ATP11C: variants seen among roughly 807,000 people sequenced by gnomAD.
The protein encoded by ATP11C is ATPase phospholipid transporting 11C (ATP11C blood group).
A neutral mutation model predicts 97.4 loss-of-function variants in ATP11C; 36 were observed. The observed-to-expected ratio is 0.37, with a 90% CI of 0.28 to 0.49. ATP11C has a LOEUF of 0.49. Among genes scored for constraint, ATP11C ranks in the 20% least tolerant of loss-of-function variants. The pLI is 0.98. For synonymous variants in ATP11C, 275 were observed against 290.9 expected (o/e 0.95, Z 0.56); for missense variants, 730 against 824.6 (o/e 0.89, Z 1.40).
intron 4 of ATP11C, 85 bp downstream of exon 4, chrX:139,816,771 CACTGTAT>C: frequency 1.9e-6 from 1 of 521,055 alleles, no homozygotes; most frequent in Non-Finnish European, 3.2e-6. Flanking sequence ...GGATACTACC[CACTGTAT>C]ATAAATATGA....
intron 19 of ATP11C, among the ~76,000 whole-genome samples, chrX:139,769,301 T>TTTAAGA (rs2082205020): frequency 1.4e-5 from 1 of 69,360 alleles, no homozygotes; most frequent in Admixed American, 1.7e-4. Flanking sequence ...TATATATATA[T>TTTAAGA]ATATATATAT....
At chrX:139,758,496 G>C (rs1019964891) in intron 22 of ATP11C, among the ~76,000 whole-genome samples, 1 of 111,410 alleles carries the variant, frequency 9.0e-6, no homozygotes, top group Non-Finnish European at 1.9e-5. Context: ...ATTAGGGCCC[G>C]AGGTCTCTGG....
At chrX:139,761,851 T>G in intron 22 of ATP11C, 110 bp downstream of exon 22, 13 of 529,173 alleles carry the variant, frequency 2.5e-5, no homozygotes, top group Middle Eastern at 6.9e-4. Context: ...AATTTCAGTA[T>G]GAGATATCAA....
intron 2 of ATP11C, among the ~76,000 whole-genome samples, chrX:139,819,867 A>G (rs996047291): frequency 1.8e-5 from 2 of 112,202 alleles, no homozygotes; most frequent in Non-Finnish European, 3.8e-5. Flanking sequence ...CACTCAACAC[A>G]GTGCCTGGTA....
intron 1 of ATP11C, among the ~76,000 whole-genome samples, chrX:139,871,536 T>G (rs1310439690): frequency 9.9e-6 from 1 of 101,153 alleles, no homozygotes; most frequent in African/African-American, 3.6e-5. Flanking sequence ...TTTTTTTTTT[T>G]GAAACAGGGT....
intron 1 of ATP11C, among the ~76,000 whole-genome samples, chrX:139,899,959 C>T (rs1244206988): frequency 1.8e-5 from 2 of 111,527 alleles, no homozygotes; most frequent in African/African-American, 6.5e-5. Context: ...TAAGAGCCAG[C>T]GGCAAAATCG....
chrX:139,740,793 T>C (rs760885052), intron 27 of ATP11C, among the ~76,000 whole-genome samples, 198 bp downstream of exon 27: 3 of 111,254 alleles, frequency 2.7e-5, no homozygotes, highest in South Asian at 7.7e-4. Context: ...GTGCAGTCTA[T>C]ATATGTGTAT....
Position 139,932,225 on chromosome X carries a change from G to A in ATP11C, c.-183C>T. The stretch of plus-strand genomic sequence containing the variant: ...GCGCTCCCCCGCCCCCCAGCCGCCC[G>A]CAGCCTAGCCGCCGCCCCGCCTCAC... On this transcript the variant is annotated 5_prime_UTR_variant, in exon 1 of 30. Coordinates refer to ENST00000682941, the MANE Select transcript of ATP11C (RefSeq NM_001353812.2). 5.3e-6 allele frequency: 1 copy of A among 188,578 alleles called. No individual in the cohort carries two copies. 15.5% of individuals were successfully genotyped at this position (188,578 alleles called of 1,213,427 possible).
chrX:139,890,588 G>A (rs2084712441), intron 1 of ATP11C, among the ~76,000 whole-genome samples: 1 of 111,720 alleles, frequency 9.0e-6, no homozygotes, highest in African/African-American at 3.3e-5. Context: ...GAGCCCCAAG[G>A]AAGAAGTAAA....
At chrX:139,743,175 TCACACA>T (rs745426001) in intron 26 of ATP11C, among the ~76,000 whole-genome samples, 2 of 107,739 alleles carry the variant, frequency 1.9e-5, no homozygotes, top group Non-Finnish European at 1.9e-5. Flanking sequence ...CTTAACATAA[TCACACA>T]CACACACACA....
chrX:139,858,298 A>T (rs2084125761), intron 1 of ATP11C, among the ~76,000 whole-genome samples: 1 of 112,025 alleles, frequency 8.9e-6, no homozygotes, highest in Admixed American at 9.4e-5. Context: ...TTGGAAGACA[A>T]TTTTTTCCTT....
chrX:139,802,629 TTAAC>T (rs2082949868), intron 6 of ATP11C, among the ~76,000 whole-genome samples: 1 of 112,025 alleles, frequency 8.9e-6, no homozygotes, highest in Non-Finnish European at 1.9e-5. Context: ...ATGCATATAA[TTAAC>T]TAAAACCACG....
At chrX:139,844,219 A>G (rs886215902) in intron 1 of ATP11C, among the ~76,000 whole-genome samples, 4 of 112,434 alleles carry the variant, frequency 3.6e-5, no homozygotes, top group Admixed American at 9.4e-5. Flanking sequence ...CAAGACTTCA[A>G]TAAAACAAAA....
At chrX:139,789,294 G>C in intron 13 of ATP11C, 33 bp downstream of exon 13, 1 of 1,113,435 alleles carries the variant, frequency 9.0e-7, no homozygotes, top group Non-Finnish European at 1.2e-6. Flanking sequence ...TACACAGATT[G>C]GTTTCTTATA....
rs1569452773 is a variant in ATP11C at position 139,782,599 on chromosome X, C to T, written c.1900G>A (p.Asp634Asn). 4 of 1,205,480 alleles carry T rather than the reference C, an allele frequency of 3.3e-6. No individual in the cohort carries two copies. The highest frequency in any genetic ancestry group is 3.5e-5 in the South Asian group (2 of 56,426). The change falls in exon 18 of 30, where the codon GAT (aspartate) becomes AAT (asparagine). Residue 634 changes from aspartate to asparagine, a missense_variant. Transcript: ENST00000682941. ...AAATTCATGTTTGTCTCAATATCATCGAAAACTTTTTCCATTTTTTCTTCT... is the reference window on the plus strand; with the variant it reads ...AAATTCATGTTTGTCTCAATATCATTGAAAACTTTTTCCATTTTTTCTTCT... ...DREEKMEKVF[D>N]DIETNMNLIG...
rs749573119 is a variant in ATP11C, at chrX:139,874,706, G to A, written c.28-47883C>T. Among the ~76,000 whole-genome samples the A allele has an allele frequency of 1.1e-4, 12 of 105,965 alleles. No individual in the cohort carries two copies. The South Asian group carries it at 4.2e-3, about 37-fold the overall frequency. The allele number at this position is 105,965 out of a possible 115,157, so 92.0% of individuals were successfully genotyped here. On this transcript the variant is annotated intron_variant, in intron 1 of 29. Coordinates refer to ENST00000682941, the MANE Select transcript of ATP11C (RefSeq NM_001353812.2). The stretch of plus-strand genomic sequence containing the variant: ...GAACTTGTTCAAAATGCAGAGCTCT[G>A]TGTGTCAGGCCAAACTTAGTGAATA...
intron 29 of ATP11C, among the ~76,000 whole-genome samples, chrX:139,730,538 A>C (rs1459425343): frequency 1.8e-5 from 2 of 111,592 alleles, no homozygotes; most frequent in African/African-American, 6.5e-5. Context: ...AAGACAGAAG[A>C]ACCAATGGAG....
intron 26 of ATP11C, among the ~76,000 whole-genome samples, chrX:139,742,473 A>C (rs2081578170): frequency 9.0e-6 from 1 of 111,695 alleles, no homozygotes; most frequent in African/African-American, 3.3e-5. Context: ...ATAAGAAATA[A>C]ACCAGGAACA....
intron 25 of ATP11C, 124 bp downstream of exon 25, chrX:139,745,598 T>C: frequency 1.4e-6 from 1 of 697,193 alleles, no homozygotes; most frequent in Admixed American, 3.6e-5. Flanking sequence ...CTAACTACTG[T>C]ATCTTCAGAA....
Sources: allele counts gnomAD v4.1 joint callset (sites outside exome capture counted in the v4.1 genomes callset), GRCh38; gene constraint gnomAD v4.1.1; transcripts MANE v1.5; gene names NCBI Gene and HGNC (gene_info 2026-07-23, HGNC 2026-07-21).